Variants in IRX2 observed in about 807,000 individuals in gnomAD.
IRX2 encodes iroquois-class homeodomain protein IRX-2.
Under a neutral mutation model 42.9 loss-of-function variants are expected in IRX2, and 26 were observed. The ratio of observed to expected loss-of-function variants is 0.61; its 90% confidence interval spans 0.44 to 0.84. The LOEUF (loss-of-function observed/expected upper bound fraction) is 0.84, where lower values mean the gene tolerates loss of function less well. IRX2 is among the 40% of genes least tolerant of loss of function. The pLI is 0.00. For missense variants in IRX2, 782 were observed against 713.9 expected, an observed-to-expected ratio of 1.10 and a Z score of -1.09; for synonymous variants, 424 against 353.9, an observed-to-expected ratio of 1.20 and a Z score of -2.22.
chr5:2,739,406 C>T, the IRX2 span, among the ~76,000 whole-genome samples: 3 of 152,234 alleles, frequency 2.0e-5, no homozygotes, highest in Non-Finnish European at 2.9e-5. Context: ...CGGGGCTACA[C>T]GGCTCGCGCC....
Position 2,748,705 on chromosome 5 carries a change from T to A in IRX2, c.1003A>T (p.Ile335Phe). 7.1e-7 allele frequency: 1 copy of A among 1,400,784 alleles called. No homozygotes were observed. The highest frequency in any genetic ancestry group is 9.3e-7 in the Non-Finnish European group (1 of 1,078,294). 86.8% of individuals were successfully genotyped at this position (1,400,784 alleles called of 1,614,324 possible). The change falls in exon 3 of 4, where the codon ATC (isoleucine) becomes TTC (phenylalanine). Residue 335 changes from isoleucine to phenylalanine, a missense_variant. Ile to Phe is a conservative substitution (Grantham distance 21). Coordinates refer to ENST00000302057, the MANE Select transcript of IRX2 (RefSeq NM_033267.5). ...GGCTGCTTGAGGTCCGACGTGGCGA[T>A]CTCGGCCAGCGACCACAGCTTGGGC... ...SKPKLWSLAE[I>F]ATSDLKQPSL...
chr5:2,741,282 C>A (rs571468621), downstream of IRX2, among the ~76,000 whole-genome samples: 71 of 152,348 alleles, frequency 4.7e-4, no homozygotes, highest in Non-Finnish European at 7.9e-4. Flanking sequence ...CCTGTGGCTG[C>A]TGCCAGCAGT....
In IRX2 at chr5:2,751,510, G is replaced by A. The variant is rs1737988395; in HGVS notation, c.-97C>T. On this transcript the variant is annotated 5_prime_UTR_variant, in exon 1 of 4. Transcript: ENST00000302057. The surrounding 1 kb of genome is among the most constrained non-coding windows in gnomAD (Gnocchi z 4.0). ...CCGGCCGGGGCGCGGCGCGGCGGCG[G>A]GCACCCGGACGGCCGGCGGAGGCAG... 1 of 887,934 alleles carries A rather than the reference G, an allele frequency of 1.1e-6. No individual in the cohort carries two copies. The highest frequency in any genetic ancestry group is 1.3e-6 in the Non-Finnish European group (1 of 744,230). The allele number at this position is 887,934 out of a possible 1,614,324, so 55.0% of individuals were successfully genotyped here.
At chr5:2,743,964 T>A (rs1046397256), downstream of IRX2, among the ~76,000 whole-genome samples, 1 of 152,186 alleles carries the variant, frequency 6.6e-6, no homozygotes, top group African/African-American at 2.4e-5. Context: ...TCTTTAATAA[T>A]TTGTTGGGCA....
In IRX2 at chr5:2,747,699, C is replaced by T. The variant is rs1737724358; in HGVS notation, c.1364-83G>A. The T allele has an allele frequency of 1.4e-6, 2 of 1,382,150 alleles. 1 individual carries two copies. The highest frequency in any genetic ancestry group is 2.3e-5 in the South Asian group (2 of 85,230). 85.6% of individuals were successfully genotyped at this position (1,382,150 alleles called of 1,614,324 possible). On this transcript the variant is annotated intron_variant, in intron 3 of 3. Coordinates refer to ENST00000302057, the MANE Select transcript of IRX2 (RefSeq NM_033267.5). ...ACCACCGTGCACCCACCATCCTCCACTCCCAGGCAAACAGCAGTTTGGGAA... is the reference window on the plus strand; with the variant it reads ...ACCACCGTGCACCCACCATCCTCCATTCCCAGGCAAACAGCAGTTTGGGAA...
At chr5:2,736,231 G>A in the IRX2 span, among the ~76,000 whole-genome samples, 3 of 152,314 alleles carry the variant, frequency 2.0e-5, no homozygotes, top group African/African-American at 7.2e-5. Context: ...AGGGATGCCT[G>A]CAGCCTTGCC....
In IRX2 at chr5:2,748,971, C is replaced by G. The variant is rs1026068982; in HGVS notation, c.737G>C (p.Gly246Ala). The change falls in exon 3 of 4, where the codon GGG becomes GCG. Residue 246 changes from glycine to alanine, a missense_variant. Gly to Ala is a moderately conservative substitution (Grantham distance 60). Transcript: ENST00000302057. ...CGAGCCCGATTCGCACAGGGGGTCC[C>G]CGGCGCGGCACGGAAGCTTCTCCCC... ...SDGEKLPCRA[G>A]DPLCESGSEC... The G allele has an allele frequency of 6.3e-7, 1 of 1,597,326 alleles. No individual in the cohort carries two copies. The highest frequency in any genetic ancestry group is 1.3e-5 in the African/African-American group (1 of 74,830).
rs1309969362 is a variant in IRX2 at position 2,747,475 on chromosome 5, A to G, written c.*89T>C. 8.8e-7 allele frequency: 1 copy of G among 1,130,480 alleles called. No homozygotes were observed. Among genetic ancestry groups the G allele is most frequent in the East Asian group, 2.4e-5 (1 of 41,506 alleles). 70.0% of individuals were successfully genotyped at this position (1,130,480 alleles called of 1,614,324 possible). A position where few individuals can be genotyped will look rare whatever the true frequency, so the allele number is the denominator to read the frequency against. ...AACCCCATGACCAGAAGCAAGAAAAACACATTAAGCAAGTTGGTGCTGGGA... is the reference window on the plus strand; with the variant it reads ...AACCCCATGACCAGAAGCAAGAAAAGCACATTAAGCAAGTTGGTGCTGGGA... On this transcript the variant is annotated 3_prime_UTR_variant, in exon 4 of 4. Transcript: ENST00000302057.
At chr5:2,739,606 C>T in the IRX2 span, among the ~76,000 whole-genome samples, 6 of 152,208 alleles carry the variant, frequency 3.9e-5, no homozygotes, top group Non-Finnish European at 8.8e-5. Context: ...CTCCCCTGGT[C>T]CCGGGGGCCC....
chr5:2,740,149 C>G, the IRX2 span, among the ~76,000 whole-genome samples: 1 of 151,178 alleles, frequency 6.6e-6, no homozygotes, highest in South Asian at 2.1e-4. Context: ...AACAGGCGGC[C>G]GGGTCTGGGG....
At chr5:2,743,917 A>G, downstream of IRX2, among the ~76,000 whole-genome samples, 1 of 152,212 alleles carries the variant, frequency 6.6e-6, no homozygotes, top group East Asian at 1.9e-4. Flanking sequence ...CTAGAAGGAA[A>G]TTCAGGTCAG....
intron 1 of IRX2, 66 bp from the exon 2 acceptor site, chr5:2,749,853 C>T: frequency 1.4e-6 from 2 of 1,480,914 alleles, no homozygotes; most frequent in South Asian, 1.3e-5. Context: ...CCAGAGGATG[C>T]CACCCCTCCG....
At chr5:2,738,529 C>T in the IRX2 span, among the ~76,000 whole-genome samples, 1 of 152,048 alleles carries the variant, frequency 6.6e-6, no homozygotes, top group Non-Finnish European at 1.5e-5. Context: ...TCCTCCCGGC[C>T]GCCTCTTTGG....
chr5:2,751,253 A>C lies in IRX2; in HGVS notation c.161T>G (p.Phe54Cys). 2 of 1,401,950 alleles carry C rather than the reference A, an allele frequency of 1.4e-6. No homozygotes were observed. Among genetic ancestry groups the C allele is most frequent in the Non-Finnish European group, 1.9e-6 (2 of 1,077,412 alleles). 86.8% of individuals were successfully genotyped at this position (1,401,950 alleles called of 1,614,324 possible). Reference protein sequence around the residue: ...AFSPYPGSAAFTAQAATGFGS... With the variant: ...AFSPYPGSAACTAQAATGFGS... ...GAAGCCGGTGGCCGCCTGCGCCGTG[A>C]AGGCCGCCGAGCCCGGGTAGGGGCT... is the stretch of plus-strand genomic sequence containing the variant. Residue 54 changes from phenylalanine to cysteine, a missense_variant, in exon 1 of 4, where the codon TTC (phenylalanine) becomes TGC (cysteine). Physicochemically the swap from Phe to Cys is radical, Grantham distance 205. This residue lies in a region of IRX2 where 256 missense variants were observed against 250.0 expected (regional missense o/e 1.02). Transcript: ENST00000302057. This position sits in a 1 kb window ranked among gnomAD's most constrained non-coding sequence, Gnocchi z 4.0.
At position 2,748,981 on chromosome 5, in the gene IRX2, A is replaced by G; in HGVS notation, c.727T>C (p.Cys243Arg). The G allele has an allele frequency of 6.3e-7, 1 of 1,597,106 alleles. No homozygotes were observed. Among genetic ancestry groups the G allele is most frequent in the Non-Finnish European group, 8.5e-7 (1 of 1,179,424 alleles). Reference protein sequence around the residue: ...SAESDGEKLPCRAGDPLCESG... With the variant: ...SAESDGEKLPRRAGDPLCESG... ...TCGCACAGGGGGTCCCCGGCGCGGC[A>G]CGGAAGCTTCTCCCCGTCCGACTCG... The change falls in exon 3 of 4, where the codon TGC (cysteine) becomes CGC (arginine). Residue 243 changes from cysteine (C) to arginine (R), a missense_variant. By Grantham distance (180) the Cys-to-Arg change is radical. Coordinates refer to ENST00000302057, the MANE Select transcript of IRX2 (RefSeq NM_033267.5).
chr5:2,736,215 T>C, the IRX2 span, among the ~76,000 whole-genome samples: 8 of 152,224 alleles, frequency 5.3e-5, no homozygotes, highest in East Asian at 1.5e-3. Context: ...GAGGATGAGG[T>C]TCAGCAGGGA....
chr5:2,748,735 T>A lies in IRX2; in HGVS notation c.973A>T (p.Ser325Cys). ...GCCAGCGACCACAGCTTGGGCTTGC[T>A]GGCGGGGGGCGGCGCGCCCGGAGAC... is the stretch of plus-strand genomic sequence containing the variant. ...RTSPGAPPPASKPKLWSLAEI... is the reference protein window; with the variant it reads ...RTSPGAPPPACKPKLWSLAEI... The change falls in exon 3 of 4, where the codon AGC becomes TGC. Residue 325 changes from serine (S) to cysteine (C), a missense_variant. Around this residue, in one of 3 missense-constraint regions of IRX2, gnomAD observed 520 missense variants for 437.8 expected, o/e 1.19. Coordinates refer to ENST00000302057, the MANE Select transcript of IRX2 (RefSeq NM_033267.5). 1 of 1,374,060 alleles carries A rather than the reference T, an allele frequency of 7.3e-7. No individual in the cohort carries two copies. The highest frequency in any genetic ancestry group is 1.7e-5 in the South Asian group (1 of 58,464). 85.1% of individuals were successfully genotyped at this position (1,374,060 alleles called of 1,614,324 possible).
downstream of IRX2, among the ~76,000 whole-genome samples, chr5:2,742,871 C>T (rs1333643170): frequency 6.6e-6 from 1 of 152,146 alleles, no homozygotes; most frequent in African/African-American, 2.4e-5. Context: ...TGTACATTCA[C>T]TCCGTAGTTA....
chr5:2,741,790 A>G (rs1292259648), downstream of IRX2, among the ~76,000 whole-genome samples: 4 of 152,202 alleles, frequency 2.6e-5, no homozygotes, highest in Non-Finnish European at 5.9e-5. Context: ...CTCATAGTCA[A>G]TTCTTTAAGA....
Sources: gnomAD v4.1 joint callset for allele counts (sites outside exome capture counted in the v4.1 genomes callset) on GRCh38, gnomAD v4.1.1 for gene constraint, gnomAD v4.1.1 regional missense constraint, Gnocchi (gnomAD v3.1) non-coding constraint, MANE v1.5 for transcripts, NCBI Gene and HGNC (gene_info 2026-07-23, HGNC 2026-07-21) for gene names.